Variants in PCSK2 observed in about 807,000 individuals in gnomAD.
PCSK2 encodes neuroendocrine convertase 2.
Under a neutral mutation model 69.7 loss-of-function variants are expected in PCSK2, and 14 were observed. The observed-to-expected ratio is 0.20, with a 90% CI of 0.13 to 0.31. The LOEUF (loss-of-function observed/expected upper bound fraction) is 0.31, where lower values mean the gene tolerates loss of function less well. Among genes scored for constraint, PCSK2 ranks in the 10% least tolerant of loss-of-function variants. PCSK2 has a pLI of 1.00. For missense variants in PCSK2, 544 were observed against 842.5 expected (o/e 0.65, Z 4.39); for synonymous variants, 307 against 320.7 (o/e 0.96, Z 0.46).
chr20:17,327,974 G>T (rs941957492), intron 2 of PCSK2, among the ~76,000 whole-genome samples: 6 of 152,122 alleles, frequency 3.9e-5, no homozygotes, highest in Non-Finnish European at 8.8e-5. Flanking sequence ...GAAGAAATTT[G>T]CTAAGCGGCT....
intron 8 of PCSK2, among the ~76,000 whole-genome samples, chr20:17,440,018 C>T (rs1042333410): frequency 1.1e-4 from 16 of 152,194 alleles, no homozygotes; most frequent in African/African-American, 3.9e-4. Context: ...CACTAGAGAG[C>T]CGACACTGCA....
chr20:17,346,817 A>G (rs1041149417), intron 2 of PCSK2, among the ~76,000 whole-genome samples: 1 of 152,136 alleles, frequency 6.6e-6, no homozygotes, highest in Non-Finnish European at 1.5e-5. Flanking sequence ...CCACCCTGGA[A>G]ACAAGCATAG....
chr20:17,356,483 T>C (rs1333249943), intron 2 of PCSK2, among the ~76,000 whole-genome samples: 1 of 152,178 alleles, frequency 6.6e-6, no homozygotes, highest in Non-Finnish European at 1.5e-5. Flanking sequence ...ATCTAGCCTT[T>C]CACAGGATCC....
intron 2 of PCSK2, among the ~76,000 whole-genome samples, chr20:17,336,227 C>G (rs541779783): frequency 6.6e-6 from 1 of 152,150 alleles, no homozygotes; most frequent in Non-Finnish European, 1.5e-5. Context: ...AGCAGGGAAA[C>G]AGGTTGCTGC....
At chr20:17,434,543 G>T (rs1178111821) in intron 7 of PCSK2, among the ~76,000 whole-genome samples, 1 of 152,158 alleles carries the variant, frequency 6.6e-6, no homozygotes, top group African/African-American at 2.4e-5. Context: ...ACAGTCAGAA[G>T]ATTAATACAC....
intron 6 of PCSK2, among the ~76,000 whole-genome samples, chr20:17,413,195 T>C (rs1325586466): frequency 6.6e-6 from 1 of 152,146 alleles, no homozygotes; most frequent in East Asian, 1.9e-4. Context: ...TAACCTTAAA[T>C]GTAAATGGGC....
At position 17,312,159 on chromosome 20, in the gene PCSK2, A is replaced by G. The variant is rs541147850; in HGVS notation, c.283-46168A>G. 2.6e-4 allele frequency among the ~76,000 whole-genome samples: 40 copies of G among 152,262 alleles called. 1 individual carries two copies. In the South Asian group the frequency reaches 8.1e-3, roughly 31 times the overall value. On this transcript the variant is annotated intron_variant, in intron 2 of 11. Transcript: ENST00000262545. ...CACATTTTTCAGGTTTAGAGACTAG[A>G]TTTTTATGGACTTGGAAACTTGGAA...
chr20:17,462,807 C>G (rs2033035444), intron 10 of PCSK2, among the ~76,000 whole-genome samples: 1 of 152,224 alleles, frequency 6.6e-6, no homozygotes, highest in African/African-American at 2.4e-5. Flanking sequence ...GTCCTACAGT[C>G]TCCAAAACAG....
At chr20:17,379,916 C>T (rs1231938606) in intron 5 of PCSK2, among the ~76,000 whole-genome samples, 2 of 152,190 alleles carry the variant, frequency 1.3e-5, no homozygotes, top group African/African-American at 4.8e-5. Context: ...GCAGTGGAGG[C>T]TTTCACCTGT....
chr20:17,429,825 C>G (rs893834429), intron 7 of PCSK2, among the ~76,000 whole-genome samples: 2 of 152,116 alleles, frequency 1.3e-5, no homozygotes, highest in African/African-American at 4.8e-5. Context: ...CAAACATGTC[C>G]CCTTCCAGTT....
chr20:17,464,906 A>G (rs1451066633), intron 10 of PCSK2: 2 of 261,136 alleles, frequency 7.7e-6, no homozygotes, highest in Non-Finnish European at 1.5e-5. Flanking sequence ...TGCCTAGGAA[A>G]AGAATTTCCA....
At chr20:17,460,349 A>T (rs1319327502) in intron 10 of PCSK2, among the ~76,000 whole-genome samples, 1 of 152,240 alleles carries the variant, frequency 6.6e-6, no homozygotes, top group African/African-American at 2.4e-5. Flanking sequence ...AGCCCCACCC[A>T]GTGGCTTCTG....
chr20:17,259,569 T>G (rs900033396), intron 1 of PCSK2, among the ~76,000 whole-genome samples: 3 of 152,190 alleles, frequency 2.0e-5, no homozygotes. Context: ...TTGGCCTGTT[T>G]AGGTTCTCCA....
intron 1 of PCSK2, among the ~76,000 whole-genome samples, chr20:17,248,614 A>G (rs1986854763): frequency 6.6e-6 from 1 of 152,220 alleles, no homozygotes; most frequent in Non-Finnish European, 1.5e-5. Context: ...TAGGTTCATG[A>G]TCAGTCAATT....
chr20:17,456,556 C>A (rs2123386818), intron 10 of PCSK2, 108 bp downstream of exon 10: 1 of 683,290 alleles, frequency 1.5e-6, no homozygotes, highest in Non-Finnish European at 2.6e-6. Flanking sequence ...TGTGAGAGGC[C>A]ATGAATAGTC....
intron 2 of PCSK2, among the ~76,000 whole-genome samples, chr20:17,299,073 A>G (rs1212074690): frequency 6.6e-6 from 1 of 152,198 alleles, no homozygotes. Context: ...AGAAAGTTTA[A>G]AAGTTTATTT....
chr20:17,283,200 G>T (rs1427274045), intron 2 of PCSK2, among the ~76,000 whole-genome samples: 1 of 152,122 alleles, frequency 6.6e-6, no homozygotes, highest in Admixed American at 6.5e-5. Context: ...AAATAAACCT[G>T]ATAGAAAGAT....
intron 5 of PCSK2, among the ~76,000 whole-genome samples, chr20:17,388,944 C>T (rs17715103): frequency 0.084 from 12,780 of 152,066 alleles, 680 homozygotes; most frequent in Non-Finnish European, 0.12. Context: ...TGAGTGACAA[C>T]GGGTGCTTAG....
At chr20:17,472,417 C>G (rs1007960630) in intron 11 of PCSK2, among the ~76,000 whole-genome samples, 2 of 152,356 alleles carry the variant, frequency 1.3e-5, no homozygotes, top group South Asian at 2.1e-4. Context: ...CCACCTGACT[C>G]TGCTACAGGG....
Sources: allele counts gnomAD v4.1 joint callset (sites outside exome capture counted in the v4.1 genomes callset), GRCh38; gene constraint gnomAD v4.1.1; transcripts MANE v1.5; gene names NCBI Gene and HGNC (gene_info 2026-07-23, HGNC 2026-07-21).